Variants in SEMA3A observed in about 807,000 individuals in gnomAD.
SEMA3A encodes semaphorin-3A.
A neutral mutation model predicts 97.9 loss-of-function variants in SEMA3A; 29 were observed. The observed-to-expected ratio is 0.30, with a 90% CI of 0.22 to 0.40. The LOEUF is 0.40. Ranked by LOEUF, SEMA3A falls within the 10% of genes least tolerant of loss-of-function variation. SEMA3A has a pLI of 1.00. For missense variants in SEMA3A, 763 were observed against 951.3 expected, an observed-to-expected ratio of 0.80 and a Z score of 2.60; for synonymous variants, 321 against 323.7, an observed-to-expected ratio of 0.99 and a Z score of 0.09.
At chr7:83,975,080 A>G (rs1266049109) in intron 15 of SEMA3A, among the ~76,000 whole-genome samples, 1 of 152,154 alleles carries the variant, frequency 6.6e-6, no homozygotes, top group Non-Finnish European at 1.5e-5. Context: ...ATTTTATCAA[A>G]ACACATCTTT....
intron 3 of SEMA3A, among the ~76,000 whole-genome samples, chr7:84,281,208 T>G (rs144622156): frequency 6.6e-6 from 1 of 152,304 alleles, no homozygotes; most frequent in South Asian, 2.1e-4. Context: ...CCATTTCTGA[T>G]AGAAGATTCG....
intron 1 of SEMA3A, among the ~76,000 whole-genome samples, chr7:84,463,299 A>G (rs1342911694): frequency 4.1e-5 from 5 of 121,730 alleles, no homozygotes; most frequent in Non-Finnish European, 8.0e-5. Flanking sequence ...CACAGGCTGG[A>G]GTGCAGTGGC....
At position 84,385,286 on chromosome 7, in the gene SEMA3A, T is replaced by A. The variant is rs77970095; in HGVS notation, c.-245-13386A>T. Among the ~76,000 whole-genome samples, 546 of 152,162 alleles carry A rather than the reference T, an allele frequency of 3.6e-3. 1 individual carries two copies. The highest frequency in any genetic ancestry group is 4.3e-3 in the Non-Finnish European group (292 of 67,998). ...GATTTGTCTTTTGGGAAGCCTTGAG[T>A]CCATGGTTGTCTGTGTCTCCTAGCT... On this transcript the variant is annotated intron_variant, in intron 1 of 3. Coordinates refer to the SEMA3A transcript ENST00000424555.
At chr7:84,024,113 CT>C in intron 6 of SEMA3A, among the ~76,000 whole-genome samples, 1 of 151,758 alleles carries the variant, frequency 6.6e-6, no homozygotes, top group East Asian at 1.9e-4. Flanking sequence ...TGAAGGAAAA[CT>C]CTTTCAGAAA....
At chr7:84,461,105 A>T (rs1044360224) in intron 1 of SEMA3A, among the ~76,000 whole-genome samples, 12 of 152,246 alleles carry the variant, frequency 7.9e-5, no homozygotes, top group Admixed American at 3.9e-4. Context: ...GTTACTTATT[A>T]AAAAAAGGGT....
chr7:84,262,563 C>T (rs1312532435), intron 3 of SEMA3A, among the ~76,000 whole-genome samples: 1 of 152,118 alleles, frequency 6.6e-6, no homozygotes, highest in East Asian at 1.9e-4. Context: ...ACTTATTCAA[C>T]ATTTAAAAGA....
At chr7:84,159,347 A>T (rs1796955077) in intron 1 of SEMA3A, among the ~76,000 whole-genome samples, 1 of 152,198 alleles carries the variant, frequency 6.6e-6, no homozygotes, top group African/African-American at 2.4e-5. Context: ...TCTAACTGTT[A>T]CATCTTGCAA....
At chr7:84,359,064 T>C (rs954187850) in intron 2 of SEMA3A, among the ~76,000 whole-genome samples, 3 of 152,212 alleles carry the variant, frequency 2.0e-5, no homozygotes, top group African/African-American at 4.8e-5. Context: ...TTTCTACATA[T>C]ACAACCATGT....
At chr7:83,969,815 A>T (rs1480421584) in intron 15 of SEMA3A, among the ~76,000 whole-genome samples, 1 of 152,208 alleles carries the variant, frequency 6.6e-6, no homozygotes, top group African/African-American at 2.4e-5. Context: ...CAAATAGGGA[A>T]TAATAAGAAG....
chr7:83,996,798 G>A (rs375171280), intron 12 of SEMA3A, among the ~76,000 whole-genome samples: 1 of 152,068 alleles, frequency 6.6e-6, no homozygotes. Flanking sequence ...GTACTTTAAT[G>A]TCAAATTTGG....
chr7:84,240,997 G>A (rs1799348603), intron 3 of SEMA3A, among the ~76,000 whole-genome samples: 1 of 152,154 alleles, frequency 6.6e-6, no homozygotes, highest in African/African-American at 2.4e-5. Flanking sequence ...TCTTTATCCA[G>A]TCTATCGTTG....
intron 3 of SEMA3A, among the ~76,000 whole-genome samples, chr7:84,200,517 T>C (rs2116295069): frequency 6.6e-6 from 1 of 152,234 alleles, no homozygotes; most frequent in African/African-American, 2.4e-5. Flanking sequence ...ATTTCATAAG[T>C]TATGGTTAGT....
intron 4 of SEMA3A, among the ~76,000 whole-genome samples, chr7:84,106,085 G>A (rs1013408286): frequency 1.3e-5 from 2 of 152,146 alleles, no homozygotes; most frequent in Non-Finnish European, 2.9e-5. Flanking sequence ...ATGACATACT[G>A]TGTGTGGTCA....
At chr7:84,129,221 T>A in intron 2 of SEMA3A, 36 bp from the exon 3 acceptor site, 1 of 1,523,742 alleles carries the variant, frequency 6.6e-7, no homozygotes, top group South Asian at 1.1e-5. Context: ...TTATGTCAAC[T>A]AAGTTGTCTA....
intron 1 of SEMA3A, among the ~76,000 whole-genome samples, chr7:84,181,318 A>AT (rs1197256839): frequency 3.8e-5 from 4 of 104,754 alleles, no homozygotes; most frequent in African/African-American, 1.3e-4. Context: ...ATAATGTTAC[A>AT]AATATATATA....
At chr7:84,246,379 T>C (rs1463008484) in intron 3 of SEMA3A, among the ~76,000 whole-genome samples, 1 of 152,166 alleles carries the variant, frequency 6.6e-6, no homozygotes, top group East Asian at 1.9e-4. Context: ...CAACATAAAA[T>C]CTTAAACTTA....
intron 2 of SEMA3A, among the ~76,000 whole-genome samples, chr7:84,134,379 A>G (rs1796058917): frequency 6.6e-6 from 1 of 152,234 alleles, no homozygotes; most frequent in African/African-American, 2.4e-5. Flanking sequence ...AAACACTGAT[A>G]GCATGCCAAA....
chr7:84,429,750 C>G (rs937388452), intron 1 of SEMA3A, among the ~76,000 whole-genome samples: 1 of 149,782 alleles, frequency 6.7e-6, no homozygotes, highest in Non-Finnish European at 1.5e-5. Flanking sequence ...GTAAGACGCA[C>G]AAAAGAAAGA....
chr7:84,174,284 C>A (rs1797492693), intron 1 of SEMA3A, among the ~76,000 whole-genome samples: 2 of 152,112 alleles, frequency 1.3e-5, no homozygotes, highest in Admixed American at 1.3e-4. Flanking sequence ...GGTTGGGGAC[C>A]ACTGTAGTAC....
Sources: gnomAD v4.1 joint callset for allele counts (sites outside exome capture counted in the v4.1 genomes callset) on GRCh38, gnomAD v4.1.1 for gene constraint, MANE v1.5 for transcripts, NCBI Gene and HGNC (gene_info 2026-07-23, HGNC 2026-07-21) for gene names.